The following GSE1 variants were observed in gnomAD, a reference collection of about 807,000 sequenced individuals.
GSE1 encodes the protein genetic suppressor element 1.
GSE1 carries 32 observed loss-of-function variants against 112.6 expected under a neutral mutation model. The observed-to-expected ratio is 0.28, with a 90% CI of 0.21 to 0.38. The LOEUF is 0.38. Ranked by LOEUF, GSE1 falls within the 10% of genes least tolerant of loss-of-function variation. GSE1 has a pLI of 1.00. For missense variants in GSE1, 2,348 were observed against 1,699.2 expected (o/e 1.38, Z -6.71); for synonymous variants, 1,115 against 735.6 (o/e 1.52, Z -8.35).
chr16:85,548,253 AAG>A (rs2044774704), intron 2 of GSE1, among the ~76,000 whole-genome samples: 1 of 149,344 alleles, frequency 6.7e-6, no homozygotes, highest in African/African-American at 2.5e-5. Flanking sequence ...AAAAGAAAGA[AAG>A]AAAGAAAGAA....
At chr16:85,172,303 A>G (rs7199453) in intron 1 of GSE1, among the ~76,000 whole-genome samples, 17,948 of 152,156 alleles carry the variant, frequency 0.12, 1,237 homozygotes, top group African/African-American at 0.19. Context: ...CTAAGTTCAC[A>G]CTGTTCTTTT....
chr16:85,228,017 G>A (rs767833028), intron 1 of GSE1, among the ~76,000 whole-genome samples: 73 of 152,204 alleles, frequency 4.8e-4, no homozygotes, highest in Non-Finnish European at 8.7e-4. Flanking sequence ...GGGAGGGCTG[G>A]GAGGGCCCCT....
Position 85,656,595 on chromosome 16 carries a change from G to A in GSE1, c.1242G>A (p.Leu414=). The change falls in exon 7 of 16, where the codon CTG becomes CTA. Residue 414 remains leucine, a synonymous_variant. Transcript: ENST00000253458. ...LEPSFLPVAE[L]HGLRGHATEE... ...CCAGCTTCCTGCCCGTGGCCGAGCT[G>A]CATGGGCTGCGTGGCCATGCCACTG... 2 of 1,546,684 alleles carry A rather than the reference G, an allele frequency of 1.3e-6. No homozygotes were observed. Among genetic ancestry groups the A allele is most frequent in the South Asian group, 2.4e-5 (2 of 83,880 alleles).
rs534283359 is a variant in GSE1 at position 85,493,074 on chromosome 16, G to C, written c.2464+135431G>C. Reference sequence around the variant, plus strand: ...GGGGGACAGCGGAGGCTGGTGGGGGGATGTTGGAGCAGAGGCCTGGAGGAA... The same window carrying C: ...GGGGGACAGCGGAGGCTGGTGGGGGCATGTTGGAGCAGAGGCCTGGAGGAA... On this transcript the variant is annotated intron_variant, in intron 2 of 2. Transcript: ENST00000637419. Among the ~76,000 whole-genome samples, 15 of 152,326 alleles carry C rather than the reference G, an allele frequency of 9.8e-5. No homozygotes were observed. In the South Asian group the frequency reaches 3.1e-3, roughly 32 times the overall value.
At chr16:85,216,436 C>G (rs1366821779) in intron 1 of GSE1, among the ~76,000 whole-genome samples, 1 of 152,178 alleles carries the variant, frequency 6.6e-6, no homozygotes, top group African/African-American at 2.4e-5. Context: ...TACCAGCTCT[C>G]TCTATTACCA....
intron 1 of GSE1, among the ~76,000 whole-genome samples, chr16:85,326,318 C>A (rs2046227716): frequency 6.6e-6 from 1 of 152,216 alleles, no homozygotes; most frequent in Admixed American, 6.5e-5. Context: ...AGTTAATTAA[C>A]ATGTCTGTGC....
intron 1 of GSE1, among the ~76,000 whole-genome samples, chr16:85,313,318 C>T (rs2045904064): frequency 6.6e-6 from 1 of 152,106 alleles, no homozygotes; most frequent in African/African-American, 2.4e-5. Flanking sequence ...CCTCAAGGTC[C>T]TCGAGACACC....
At chr16:85,272,739 T>TTGC (rs1567654130) in intron 1 of GSE1, among the ~76,000 whole-genome samples, 457 of 108,834 alleles carry the variant, frequency 4.2e-3, no homozygotes, top group Non-Finnish European at 5.6e-3. Flanking sequence ...TTCTTGCTTG[T>TTGC]TTGCTTGCTT....
chr16:85,308,486 G>A (rs1197310924), intron 1 of GSE1, among the ~76,000 whole-genome samples: 1 of 151,978 alleles, frequency 6.6e-6, no homozygotes, highest in Non-Finnish European at 1.5e-5. Context: ...GAATACGGAG[G>A]GCTTCCTTTA....
At chr16:85,420,783 G>T (rs1032243611) in intron 2 of GSE1, among the ~76,000 whole-genome samples, 5 of 152,216 alleles carry the variant, frequency 3.3e-5, no homozygotes, top group African/African-American at 9.6e-5. Flanking sequence ...CCTGGGTGGA[G>T]TGTAAGGGCC....
At position 85,529,589 on chromosome 16, in the gene GSE1, C is replaced by G. The variant is rs193298643; in HGVS notation, c.2465-104325C>G. On this transcript the variant is annotated intron_variant, in intron 2 of 2. Transcript: ENST00000637419. ...GAGGGCAGGCACCCTCCTATTTGCT[C>G]TAGCCCCCCACCCCCACTACGGGGC... 3.1e-4 allele frequency among the ~76,000 whole-genome samples: 47 copies of G among 152,330 alleles called. No homozygotes were observed. The East Asian group carries it at 8.3e-3, about 27-fold the overall frequency.
At chr16:85,639,838 G>A (rs1028296658) in intron 2 of GSE1, among the ~76,000 whole-genome samples, 1 of 152,240 alleles carries the variant, frequency 6.6e-6, no homozygotes, top group Admixed American at 6.5e-5. Context: ...TGCAGCAGGC[G>A]GCAGCCTCCC....
chr16:85,440,810 T>C (rs2049357636), intron 2 of GSE1, among the ~76,000 whole-genome samples: 1 of 152,208 alleles, frequency 6.6e-6, no homozygotes, highest in Non-Finnish European at 1.5e-5. Context: ...AACTGTGGGC[T>C]GCAGTGAAGC....
intron 1 of GSE1, among the ~76,000 whole-genome samples, chr16:85,286,773 G>A (rs2045040329): frequency 6.6e-6 from 1 of 152,064 alleles, no homozygotes; most frequent in African/African-American, 2.4e-5. Flanking sequence ...TATCACTTGG[G>A]AAGTTTAAAG....
chr16:85,607,064 G>GT (rs2047736247), upstream of GSE1, among the ~76,000 whole-genome samples: 1 of 151,376 alleles, frequency 6.6e-6, no homozygotes, highest in South Asian at 2.1e-4. Context: ...AGAGCCTGGG[G>GT]TGGGGGGGGC....
intron 2 of GSE1, among the ~76,000 whole-genome samples, chr16:85,378,025 A>G (rs900522957): frequency 6.6e-6 from 1 of 152,128 alleles, no homozygotes; most frequent in Non-Finnish European, 1.5e-5. Flanking sequence ...TTGGGAACAC[A>G]TGTGGTCAAG....
At chr16:85,642,206 G>A (rs1391244344) in intron 2 of GSE1, among the ~76,000 whole-genome samples, 4 of 152,270 alleles carry the variant, frequency 2.6e-5, no homozygotes, top group Admixed American at 2.6e-4. Context: ...CAGCTGCTCG[G>A]AGGCTGAGGT....
intron 2 of GSE1, among the ~76,000 whole-genome samples, chr16:85,437,802 G>A (rs555462091): frequency 1.3e-5 from 2 of 152,298 alleles, no homozygotes; most frequent in South Asian, 2.1e-4. Flanking sequence ...GCTAGCAGGG[G>A]CTATGTTCAG....
At chr16:85,221,448 TACAC>T (rs554041756) in intron 1 of GSE1, among the ~76,000 whole-genome samples, 16 of 150,858 alleles carry the variant, frequency 1.1e-4, no homozygotes, top group Non-Finnish European at 2.1e-4. Context: ...TGCACATGTG[TACAC>T]ACACACACAC....
Sources: gnomAD v4.1 joint callset for allele counts (sites outside exome capture counted in the v4.1 genomes callset) on GRCh38, gnomAD v4.1.1 for gene constraint, MANE v1.5 for transcripts, NCBI Gene and HGNC (gene_info 2026-07-23, HGNC 2026-07-21) for gene names.